DYM: variants seen among roughly 807,000 people sequenced by gnomAD.
The protein encoded by DYM is dymeclin, also known as dyggve-Melchior-Clausen syndrome protein.
DYM carries 78 observed loss-of-function variants against 93.1 expected under a neutral mutation model. The ratio of observed to expected loss-of-function variants is 0.84; its 90% CI spans 0.70 to 1.01. The LOEUF is 1.01. Ranked by LOEUF, DYM falls within the 50% of genes least tolerant of loss-of-function variation. The probability of loss-of-function intolerance (pLI) is 0.00; values close to 1 mark genes in which losing one functional copy is unlikely to be tolerated. For synonymous variants in DYM, 321 were observed against 319.7 expected (o/e 1.00, Z -0.04); for missense variants, 789 against 845.0 (o/e 0.93, Z 0.82).
chr18:49,403,806 T>C (rs1344699904), intron 2 of DYM, among the ~76,000 whole-genome samples: 1 of 152,008 alleles, frequency 6.6e-6, no homozygotes, highest in African/African-American at 2.4e-5. Context: ...AATCAATGTT[T>C]AGTTTCCACC....
chr18:49,371,885 T>G (rs2067076515), intron 5 of DYM, among the ~76,000 whole-genome samples: 1 of 152,214 alleles, frequency 6.6e-6, no homozygotes, highest in Non-Finnish European at 1.5e-5. Flanking sequence ...AAATTTAGAT[T>G]ACAAACTAAG....
At chr18:49,135,208 A>C (rs1159790405) in intron 15 of DYM, among the ~76,000 whole-genome samples, 1 of 152,222 alleles carries the variant, frequency 6.6e-6, no homozygotes, top group African/African-American at 2.4e-5. Flanking sequence ...TGGAAATAAT[A>C]CTGCAAATAC....
intron 1 of DYM, among the ~76,000 whole-genome samples, chr18:49,446,032 G>A (rs1276109394): frequency 6.6e-6 from 1 of 152,140 alleles, no homozygotes; most frequent in Non-Finnish European, 1.5e-5. Flanking sequence ...ACCATAACAA[G>A]AAGTTAATAT....
chr18:49,047,913 A>G (rs922282175), intron 17 of DYM, among the ~76,000 whole-genome samples: 2 of 152,220 alleles, frequency 1.3e-5, no homozygotes, highest in Non-Finnish European at 1.5e-5. Context: ...CATCCTGGTC[A>G]GTCACCAAAT....
At chr18:49,421,255 G>A (rs1235935298) in intron 2 of DYM, among the ~76,000 whole-genome samples, 1 of 152,162 alleles carries the variant, frequency 6.6e-6, no homozygotes, top group Non-Finnish European at 1.5e-5. Context: ...CCCAGTAGGG[G>A]CCGACTGACA....
At chr18:49,432,637 A>T (rs1479117144) in intron 1 of DYM, among the ~76,000 whole-genome samples, 3 of 135,092 alleles carry the variant, frequency 2.2e-5, no homozygotes, top group Non-Finnish European at 4.6e-5. Flanking sequence ...ACAGGGCCTC[A>T]CTCTGTTGCT....
At position 49,454,153 on chromosome 18, in the gene DYM, A is replaced by G. The variant is rs1401569195; in HGVS notation, c.-54+6245T>C. ...TCCCCACATGATGCCCCTTTTCAGC[A>G]GGAAGTAGCCAGAAAGAGTCATCAC... On this transcript the variant is annotated intron_variant, in intron 1 of 17. Transcript: ENST00000675505. Among the ~76,000 whole-genome samples the G allele has an allele frequency of 2.6e-5, 4 of 152,150 alleles. 1 individual carries two copies. Among genetic ancestry groups the G allele is most frequent in the Admixed American group, 2.6e-4 (4 of 15,280 alleles).
At chr18:49,074,025 G>A (rs1482270949) in intron 17 of DYM, among the ~76,000 whole-genome samples, 2 of 152,102 alleles carry the variant, frequency 1.3e-5, no homozygotes, top group African/African-American at 4.8e-5. Context: ...AAAACTATCC[G>A]AGTTGTGATT....
chr18:49,388,484 A>T (rs552746431), intron 3 of DYM, among the ~76,000 whole-genome samples: 10 of 152,236 alleles, frequency 6.6e-5, no homozygotes, highest in Non-Finnish European at 1.5e-4. Context: ...AAAACATTGA[A>T]CAGAAGTGTA....
intron 17 of DYM, among the ~76,000 whole-genome samples, chr18:49,072,282 A>G (rs551026754): frequency 2.6e-5 from 4 of 152,334 alleles, no homozygotes; most frequent in African/African-American, 7.2e-5. Flanking sequence ...TATGCTGCCA[A>G]TAAGGTGATT....
Position 49,093,864 on chromosome 18 carries a change from G to A in DYM, c.2025+3538C>T, listed in dbSNP as rs138103213. On this transcript the variant is annotated intron_variant, in intron 17 of 17. Coordinates refer to ENST00000675505, the MANE Select transcript of DYM (RefSeq NM_001353214.3). The stretch of plus-strand genomic sequence containing the variant: ...GTGAAAGGTTTTAAGCAAGTTAGTT[G>A]ATATGATTTTTTATATTTTTCTTTA... Among the ~76,000 whole-genome samples, 462 of 152,280 alleles carry A rather than the reference G, an allele frequency of 3.0e-3. 3 individuals carry two copies. The highest frequency in any genetic ancestry group is 0.01 in the African/African-American group (428 of 41,552).
chr18:49,055,996 C>T (rs1051664912), intron 17 of DYM, among the ~76,000 whole-genome samples: 5 of 152,112 alleles, frequency 3.3e-5, no homozygotes, highest in African/African-American at 7.2e-5. Context: ...GACACTGCCA[C>T]GGCAGCTGAG....
chr18:49,046,826 C>T (rs978264743), intron 17 of DYM, among the ~76,000 whole-genome samples: 14 of 152,050 alleles, frequency 9.2e-5, no homozygotes, highest in African/African-American at 2.9e-4. Context: ...CCCAGGAGTT[C>T]GAGGCTTCAG....
intron 17 of DYM, among the ~76,000 whole-genome samples, chr18:49,051,490 C>T (rs1442223188): frequency 6.6e-6 from 1 of 152,160 alleles, no homozygotes; most frequent in Non-Finnish European, 1.5e-5. Flanking sequence ...AGGTGTATTC[C>T]CTGCCATGCC....
At chr18:49,111,099 G>A (rs939903347) in intron 16 of DYM, among the ~76,000 whole-genome samples, 6 of 151,874 alleles carry the variant, frequency 4.0e-5, no homozygotes, top group African/African-American at 1.5e-4. Flanking sequence ...TTTTCCCCCA[G>A]GACAAAGGTT....
chr18:49,200,955 C>T (rs1326550616), intron 14 of DYM, among the ~76,000 whole-genome samples: 3 of 152,044 alleles, frequency 2.0e-5, no homozygotes, highest in South Asian at 2.1e-4. Context: ...TCTCTTGAAT[C>T]GCCATTCTTT....
intron 17 of DYM, among the ~76,000 whole-genome samples, chr18:49,096,772 C>A (rs1248876099): frequency 6.6e-6 from 1 of 152,180 alleles, no homozygotes; most frequent in African/African-American, 2.4e-5. Context: ...CCCACCTTCT[C>A]CACGAAGTGC....
intron 3 of DYM, among the ~76,000 whole-genome samples, chr18:49,380,106 TTATC>T (rs1286944599): frequency 5.9e-5 from 9 of 152,284 alleles, no homozygotes; most frequent in Non-Finnish European, 8.8e-5. Flanking sequence ...CAAAAATTGA[TTATC>T]TATGTCTCCA....
intron 13 of DYM, among the ~76,000 whole-genome samples, chr18:49,221,152 A>G (rs1448947955): frequency 0.014 from 2,115 of 152,158 alleles, 52 homozygotes; most frequent in African/African-American, 0.048. Flanking sequence ...AACACATGAA[A>G]AAATGCTCAC....
Sources: allele counts gnomAD v4.1 joint callset (sites outside exome capture counted in the v4.1 genomes callset), GRCh38; gene constraint gnomAD v4.1.1; transcripts MANE v1.5; gene names NCBI Gene and HGNC (gene_info 2026-07-23, HGNC 2026-07-21).